Variants in NHLRC2 observed in about 807,000 individuals in gnomAD.
NHLRC2 encodes the protein NHL repeat containing 2.
In NHLRC2, 33 loss-of-function variants were observed where a neutral mutation model predicts 68.1. The ratio of observed to expected loss-of-function variants is 0.48; its 90% CI spans 0.37 to 0.65. The LOEUF (loss-of-function observed/expected upper bound fraction) is 0.65, where lower values mean the gene tolerates loss of function less well. Ranked by LOEUF, NHLRC2 falls within the 30% of genes least tolerant of loss-of-function variation. NHLRC2 has a pLI of 0.00. For synonymous variants in NHLRC2, 311 were observed against 309.6 expected, an observed-to-expected ratio of 1.00 and a Z score of -0.05; for missense variants, 761 against 853.8, an observed-to-expected ratio of 0.89 and a Z score of 1.35.
chr10:113,887,105 G>A (rs1846089552), intron 5 of NHLRC2, among the ~76,000 whole-genome samples: 1 of 152,142 alleles, frequency 6.6e-6, no homozygotes, highest in African/African-American at 2.4e-5. Flanking sequence ...AGATATATGA[G>A]AAAATATTCA....
intron 2 of NHLRC2, among the ~76,000 whole-genome samples, chr10:113,868,819 C>G (rs1202062714): frequency 6.6e-6 from 1 of 152,114 alleles, no homozygotes; most frequent in South Asian, 2.1e-4. Flanking sequence ...AACTTCTGTT[C>G]TAAAAGACAA....
At chr10:113,862,379 A>G (rs761846364) in intron 2 of NHLRC2, among the ~76,000 whole-genome samples, 1 of 152,036 alleles carries the variant, frequency 6.6e-6, no homozygotes, top group Non-Finnish European at 1.5e-5. Context: ...AAGATGTTAA[A>G]TGTAATTCCT....
chr10:113,898,295 C>A, intron 6 of NHLRC2, 86 bp downstream of exon 6: 1 of 820,216 alleles, frequency 1.2e-6, no homozygotes, highest in Non-Finnish European at 2.0e-6. Context: ...CCTCACTGTA[C>A]CAGTCAGGAT....
chr10:113,899,129 TTC>T (rs941917165), intron 6 of NHLRC2, among the ~76,000 whole-genome samples: 2 of 152,120 alleles, frequency 1.3e-5, no homozygotes, highest in Admixed American at 1.3e-4. Flanking sequence ...CCCTTCCTCT[TTC>T]TCTCTCTTCT....
In NHLRC2 at chr10:113,915,613, TA is replaced by T. The variant is rs1280181059; in HGVS notation, c.*7081del. 3.6e-5 allele frequency: 8 copies of T among 224,500 alleles called. No individual in the cohort carries two copies. Among genetic ancestry groups the T allele is most frequent in the Non-Finnish European group, 7.1e-5 (8 of 113,466 alleles). The allele number at this position is 224,500 out of a possible 1,614,324, so 13.9% of individuals were successfully genotyped here. ...GCTCTCAGACTTAACTCTCCCCAAT[TA>T]AAATAGTTTTTTTTTCCCTTCCCAT... On this transcript the variant is annotated 3_prime_UTR_variant, in exon 11 of 11. Transcript: ENST00000369301.
chr10:113,855,978 A>C (rs368026482), intron 1 of NHLRC2, among the ~76,000 whole-genome samples: 16 of 152,278 alleles, frequency 1.1e-4, no homozygotes, highest in African/African-American at 3.6e-4. Context: ...TAACTGCCCC[A>C]GTTGGATTAT....
rs772327806 is a variant in NHLRC2, at chr10:113,876,533, T to C, written c.344T>C (p.Ile115Thr). 6.3e-7 allele frequency: 1 copy of C among 1,591,140 alleles called. No homozygotes were observed. The highest frequency in any genetic ancestry group is 8.6e-7 in the Non-Finnish European group (1 of 1,167,388). ...TTTTTCCTTTCAGATGGTCTTCTTA[T>C]TATTGGTGTTCACTCGGCTAAGTTT... ...HTYSDKDGLL[I>T]IGVHSAKFPN... Residue 115 changes from isoleucine (I) to threonine (T), a missense_variant, in exon 3 of 11, where the codon ATT becomes ACT. By Grantham distance (89) the Ile-to-Thr change is moderately conservative (BLOSUM62 -1). Transcript: ENST00000369301.
intron 8 of NHLRC2, among the ~76,000 whole-genome samples, chr10:113,903,229 C>A (rs1371418271): frequency 2.0e-5 from 3 of 151,888 alleles, no homozygotes; most frequent in East Asian, 3.9e-4. Flanking sequence ...AAAAACAATT[C>A]AATAAAAAAA....
At position 113,854,798 on chromosome 10, in the gene NHLRC2, G is replaced by T. The variant is rs1169307600; in HGVS notation, c.-75G>T. The stretch of plus-strand genomic sequence containing the variant: ...TGAATGCGCCGTTTGGAAACCACAG[G>T]ACAGTGAACGTTTCGTCTCTCCCAG... On this transcript the variant is annotated 5_prime_UTR_variant, in exon 1 of 11. Transcript: ENST00000369301. 3 of 1,300,950 alleles carry T rather than the reference G, an allele frequency of 2.3e-6. No individual in the cohort carries two copies. The highest frequency in any genetic ancestry group is 5.0e-5 in the Admixed American group (2 of 39,778). 80.6% of individuals were successfully genotyped at this position (1,300,950 alleles called of 1,614,324 possible). A position where few individuals can be genotyped will look rare whatever the true frequency, so the allele number is the denominator to read the frequency against.
At chr10:113,879,755 T>G in intron 4 of NHLRC2, 60 bp downstream of exon 4, 1 of 1,103,202 alleles carries the variant, frequency 9.1e-7, no homozygotes, top group South Asian at 1.5e-5. Flanking sequence ...ATGTATTTGC[T>G]ACATTAAATA....
At chr10:113,900,479 A>G (rs1846217959) in intron 6 of NHLRC2, among the ~76,000 whole-genome samples, 1 of 152,134 alleles carries the variant, frequency 6.6e-6, no homozygotes, top group Admixed American at 6.5e-5. Flanking sequence ...TCTCCTTCTT[A>G]ATAGGAAATT....
At chr10:113,901,962 T>C (rs1846233481) in intron 7 of NHLRC2, 65 bp downstream of exon 7, 3 of 1,145,814 alleles carry the variant, frequency 2.6e-6, no homozygotes, top group Non-Finnish European at 3.9e-6. Context: ...TTGTGAATTA[T>C]GGAAAGTTAA....
At chr10:113,880,840 A>G (rs1046251597) in intron 4 of NHLRC2, among the ~76,000 whole-genome samples, 1 of 151,862 alleles carries the variant, frequency 6.6e-6, no homozygotes, top group African/African-American at 2.4e-5. Context: ...GTATTCCTCA[A>G]TATAAAAGTG....
Position 113,915,758 on chromosome 10 carries a change from T to C in NHLRC2, c.*7222T>C. On this transcript the variant is annotated 3_prime_UTR_variant, in exon 11 of 11. Transcript: ENST00000369301. The stretch of plus-strand genomic sequence containing the variant: ...GGCTCAGGATCCTTCTGCTTCGGCC[T>C]CCTGAGTAGCTAAGACCACAGGTGT... 1 of 156,738 alleles carries C rather than the reference T, an allele frequency of 6.4e-6. No homozygotes were observed. The highest frequency in any genetic ancestry group is 1.4e-5 in the Non-Finnish European group (1 of 71,332). The allele number at this position is 156,738 out of a possible 1,614,324, so 9.7% of individuals were successfully genotyped here. A position where few individuals can be genotyped will look rare whatever the true frequency, so the allele number is the denominator to read the frequency against.
intron 2 of NHLRC2, among the ~76,000 whole-genome samples, chr10:113,863,280 C>T (rs1290441748): frequency 2.6e-5 from 4 of 151,966 alleles, no homozygotes; most frequent in Non-Finnish European, 5.9e-5. Context: ...CTTTTCTGAT[C>T]ACAGATGAAG....
chr10:113,856,055 A>G lies in NHLRC2; in HGVS notation c.178+1005A>G, dbSNP rs180738509. Among the ~76,000 whole-genome samples the G allele has an allele frequency of 1.9e-3, 290 of 152,246 alleles. 2 individuals carry two copies. The highest frequency in any genetic ancestry group is 6.7e-3 in the African/African-American group (280 of 41,526). On this transcript the variant is annotated intron_variant, in intron 1 of 10. Coordinates refer to ENST00000369301, the MANE Select transcript of NHLRC2 (RefSeq NM_198514.4). Reference sequence around the variant, plus strand: ...CTCCGTTCAAAGTCGTGAAACTAATACTTTTAAAAATCGGAATCAATTATA... The same window carrying G: ...CTCCGTTCAAAGTCGTGAAACTAATGCTTTTAAAAATCGGAATCAATTATA...
chr10:113,902,679 C>A, intron 8 of NHLRC2, 86 bp downstream of exon 8: 1 of 1,139,550 alleles, frequency 8.8e-7, no homozygotes, highest in Non-Finnish European at 1.3e-6. Context: ...CCTACAACTG[C>A]CACTCTAAAA....
chr10:113,902,757 T>C (rs1417497193), intron 8 of NHLRC2, among the ~76,000 whole-genome samples, 164 bp downstream of exon 8: 1 of 152,236 alleles, frequency 6.6e-6, no homozygotes, highest in African/African-American at 2.4e-5. Flanking sequence ...TGGTCCTTTC[T>C]TTGCCAAGAG....
chr10:113,900,933 A>G (rs1179887095), intron 6 of NHLRC2, among the ~76,000 whole-genome samples: 1 of 152,076 alleles, frequency 6.6e-6, no homozygotes, highest in Non-Finnish European at 1.5e-5. Context: ...ACAACACACT[A>G]CCATGTCTTT....
Sources: gnomAD v4.1 joint callset for allele counts (sites outside exome capture counted in the v4.1 genomes callset) on GRCh38, gnomAD v4.1.1 for gene constraint, MANE v1.5 for transcripts, NCBI Gene and HGNC (gene_info 2026-07-23, HGNC 2026-07-21) for gene names.